ZNF407: variants seen among roughly 807,000 people sequenced by gnomAD.
ZNF407 encodes zinc finger protein 407.
ZNF407 carries 17 observed loss-of-function variants against 131.2 expected under a neutral mutation model. The observed-to-expected ratio is 0.13, with a 90% CI of 0.09 to 0.19. The LOEUF (loss-of-function observed/expected upper bound fraction) is 0.19. Among genes scored for constraint, ZNF407 ranks in the 10% least tolerant of loss-of-function variants. ZNF407 has a pLI of 1.00. For missense variants in ZNF407, 2,681 were observed against 2,830.6 expected (o/e 0.95, Z 1.20); for synonymous variants, 1,156 against 1,062.0 (o/e 1.09, Z -1.72).
chr18:74,800,941 C>T (rs1970009351), intron 4 of ZNF407, among the ~76,000 whole-genome samples: 1 of 152,014 alleles, frequency 6.6e-6, no homozygotes, highest in Non-Finnish European at 1.5e-5. Flanking sequence ...AGCTTGTTAA[C>T]AGACAGATTC....
intron 8 of ZNF407, among the ~76,000 whole-genome samples, chr18:74,968,977 C>A (rs1972440830): frequency 6.6e-6 from 1 of 152,160 alleles, no homozygotes; most frequent in Admixed American, 6.5e-5. Context: ...TTTCTCTCTG[C>A]CCCTCTGTTG....
intron 4 of ZNF407, among the ~76,000 whole-genome samples, chr18:74,817,362 C>T (rs911629584): frequency 2.0e-5 from 3 of 152,082 alleles, no homozygotes; most frequent in Admixed American, 6.5e-5. Context: ...ATCATAGTTC[C>T]TCTTGCTGAG....
At chr18:74,894,946 CT>C (rs746459671) in intron 7 of ZNF407, among the ~76,000 whole-genome samples, 5 of 151,992 alleles carry the variant, frequency 3.3e-5, no homozygotes, top group Non-Finnish European at 7.4e-5. Flanking sequence ...CTTACATACC[CT>C]TTTTAATTTT....
At chr18:74,971,604 G>A (rs1366512880) in intron 8 of ZNF407, among the ~76,000 whole-genome samples, 1 of 152,156 alleles carries the variant, frequency 6.6e-6, no homozygotes, top group African/African-American at 2.4e-5. Context: ...CTCCATCTGA[G>A]ACCAGCTCAG....
chr18:74,958,250 G>A (rs113855056), intron 8 of ZNF407, among the ~76,000 whole-genome samples: 58 of 152,308 alleles, frequency 3.8e-4, no homozygotes, highest in African/African-American at 1.2e-3. Flanking sequence ...CACTGTCGTC[G>A]TTGTCATCAT....
chr18:74,646,403 TC>T (rs1984974843), intron 3 of ZNF407, among the ~76,000 whole-genome samples: 1 of 152,218 alleles, frequency 6.6e-6, no homozygotes, highest in Admixed American at 6.5e-5. Context: ...GCAACATCTC[TC>T]AGTTTTGTAA....
intron 3 of ZNF407, among the ~76,000 whole-genome samples, chr18:74,665,747 G>A (rs757526497): frequency 3.3e-5 from 5 of 152,052 alleles, no homozygotes; most frequent in African/African-American, 4.8e-5. Context: ...CAGGAAGTGC[G>A]CCGTTCTACG....
intron 8 of ZNF407, among the ~76,000 whole-genome samples, chr18:75,049,882 A>G (rs1338572674): frequency 1.3e-5 from 2 of 152,212 alleles, no homozygotes; most frequent in African/African-American, 2.4e-5. Flanking sequence ...GCAGCTTATC[A>G]TCATATTATT....
rs549739108 is a variant in ZNF407 at position 74,915,349 on chromosome 18, T to A, written c.5250-5165T>A. Among the ~76,000 whole-genome samples the A allele has an allele frequency of 1.9e-3, 273 of 142,554 alleles. 1 individual carries two copies. Among genetic ancestry groups the A allele is most frequent in the African/African-American group, 7.1e-3 (264 of 37,162 alleles). 93.5% of individuals were successfully genotyped at this position (142,554 alleles called of 152,430 possible). A position where few individuals can be genotyped will look rare whatever the true frequency, so the allele number is the denominator to read the frequency against. On this transcript the variant is annotated intron_variant, in intron 7 of 8. Coordinates refer to ENST00000299687, the MANE Select transcript of ZNF407 (RefSeq NM_017757.3). ...GTGTGTGTGTGTGTGTGTGTGTGTGTGTGCATGTGTGTGCTGGTATGGTGA... is the reference window on the plus strand; with the variant it reads ...GTGTGTGTGTGTGTGTGTGTGTGTGAGTGCATGTGTGTGCTGGTATGGTGA...
In ZNF407 at chr18:74,749,705, T is replaced by C. The variant is rs1432751669; in HGVS notation, c.4803-31723T>C. Among the ~76,000 whole-genome samples, 3 of 152,194 alleles carry C rather than the reference T, an allele frequency of 2.0e-5. No individual in the cohort carries two copies. In the East Asian group the frequency reaches 5.8e-4, roughly 29 times the overall value. Reference sequence around the variant, plus strand: ...TAGTTTGGAAGTAAAGGATAGTTTTTAAAAATAATATATGTGTCTGTGAAC... The same window carrying C: ...TAGTTTGGAAGTAAAGGATAGTTTTCAAAAATAATATATGTGTCTGTGAAC... On this transcript the variant is annotated intron_variant, in intron 3 of 8. Transcript: ENST00000299687.
At chr18:74,921,124 C>T (rs1971841120) in intron 8 of ZNF407, 1 of 642,374 alleles carries the variant, frequency 1.6e-6, no homozygotes, top group Non-Finnish European at 1.9e-6. Flanking sequence ...TGACCTGCGA[C>T]CACGACCACG....
intron 6 of ZNF407, among the ~76,000 whole-genome samples, chr18:74,884,871 C>A (rs746999496): frequency 6.6e-6 from 1 of 152,076 alleles, no homozygotes; most frequent in African/African-American, 2.4e-5. Context: ...TTGACTTAGG[C>A]AGTGGAGTTC....
intron 8 of ZNF407, among the ~76,000 whole-genome samples, chr18:75,003,264 T>G (rs1972869264): frequency 6.6e-6 from 1 of 152,230 alleles, no homozygotes; most frequent in Non-Finnish European, 1.5e-5. Context: ...TCCCTTCCTA[T>G]TCACATGCAC....
intron 2 of ZNF407, among the ~76,000 whole-genome samples, chr18:74,639,831 A>T (rs1984626754): frequency 6.6e-6 from 1 of 152,012 alleles, no homozygotes; most frequent in East Asian, 1.9e-4. Flanking sequence ...TAAGACTCTA[A>T]AATTTTTTAC....
chr18:74,755,555 T>TCTTCCTTC (rs1189691263), intron 3 of ZNF407, among the ~76,000 whole-genome samples: 1 of 9,322 alleles, frequency 1.1e-4, no homozygotes, highest in Admixed American at 1.5e-3. Context: ...CTCCCTTCCT[T>TCTTCCTTC]CTTCCTTCCT....
intron 3 of ZNF407, among the ~76,000 whole-genome samples, chr18:74,767,945 G>A (rs935049579): frequency 2.6e-5 from 4 of 151,384 alleles, no homozygotes; most frequent in South Asian, 2.1e-4. Context: ...GATTACAGGC[G>A]TGAGCTACTG....
chr18:74,843,005 C>T (rs933415365), intron 4 of ZNF407, among the ~76,000 whole-genome samples: 4 of 152,120 alleles, frequency 2.6e-5, no homozygotes, highest in East Asian at 3.9e-4. Flanking sequence ...CATGAGCCAC[C>T]GTGCCTGGCC....
intron 8 of ZNF407, among the ~76,000 whole-genome samples, chr18:74,994,933 G>T (rs1029112588): frequency 6.6e-6 from 1 of 152,118 alleles, no homozygotes; most frequent in Non-Finnish European, 1.5e-5. Flanking sequence ...TAAAAGCAAC[G>T]AAATTTCAAG....
rs1198570099 is a variant in ZNF407 at position 75,042,073 on chromosome 18, T to C, written c.5429-21077T>C. Reference sequence around the variant, plus strand: ...CATTTCTTTCCTTTTTTTTTTTTTTTCTTATTAACTAGAGTCAGAGTCTCA... The same window carrying C: ...CATTTCTTTCCTTTTTTTTTTTTTTCCTTATTAACTAGAGTCAGAGTCTCA... On this transcript the variant is annotated intron_variant, in intron 8 of 8. Transcript: ENST00000299687. 4.0e-5 allele frequency among the ~76,000 whole-genome samples: 6 copies of C among 151,524 alleles called. 1 individual carries two copies. The highest frequency in any genetic ancestry group is 3.9e-4 in the Admixed American group (6 of 15,238).
Sources: allele counts gnomAD v4.1 joint callset (sites outside exome capture counted in the v4.1 genomes callset), GRCh38; gene constraint gnomAD v4.1.1; transcripts MANE v1.5; gene names NCBI Gene and HGNC (gene_info 2026-07-23, HGNC 2026-07-21).